PANK2: variants seen among roughly 807,000 people sequenced by gnomAD.
The protein encoded by PANK2 is pantothenate kinase 2.
Under a neutral mutation model 43.1 loss-of-function variants are expected in PANK2, and 36 were observed. The ratio of observed to expected loss-of-function variants is 0.84; its 90% confidence interval spans 0.64 to 1.10. The LOEUF (loss-of-function observed/expected upper bound fraction) is 1.10. Among genes scored for constraint, PANK2 ranks in the 50% least tolerant of loss-of-function variants. The probability of loss-of-function intolerance (pLI) is 0.00; values close to 1 mark genes in which losing one functional copy is unlikely to be tolerated. For synonymous variants in PANK2, 281 were observed against 238.2 expected, an observed-to-expected ratio of 1.18 and a Z score of -1.66; for missense variants, 576 against 593.3, an observed-to-expected ratio of 0.97 and a Z score of 0.30.
rs1487397775 is a variant in PANK2, at chr20:3,912,488, C to T, written c.936C>T (p.Cys312=). ...GAGGAGGAACTTTTTTTGGTCTCTG[C>T]TGTCTTCTTACTGGCTGTACCACTT... The change falls in exon 4 of 7, where the codon TGC becomes TGT. Residue 312 remains cysteine, a synonymous_variant. Coordinates refer to ENST00000610179, the MANE Select transcript of PANK2 (RefSeq NM_001386393.1). The T allele has an allele frequency of 1.2e-6, 2 of 1,614,028 alleles. No individual in the cohort carries two copies. Among genetic ancestry groups the T allele is most frequent in the East Asian group, 4.5e-5 (2 of 44,880 alleles).
At chr20:3,902,728 A>G (rs569089650) in intron 1 of PANK2, among the ~76,000 whole-genome samples, 1 of 151,554 alleles carries the variant, frequency 6.6e-6, no homozygotes, top group South Asian at 2.1e-4. Context: ...GCCAGGTTCC[A>G]TTTTCTCTAT....
chr20:3,899,383 C>T (rs1348603565), intron 1 of PANK2, among the ~76,000 whole-genome samples: 2 of 151,420 alleles, frequency 1.3e-5, no homozygotes, highest in South Asian at 2.1e-4. Context: ...GTTAGTCAGG[C>T]TGGTCTCGAA....
chr20:3,907,975 A>G lies in PANK2; in HGVS notation c.348A>G (p.Val116=). 1.2e-6 allele frequency: 2 copies of G among 1,614,190 alleles called. No homozygotes were observed. The highest frequency in any genetic ancestry group is 1.1e-5 in the South Asian group (1 of 91,084). Residue 116 remains valine (V), a synonymous_variant, in exon 2 of 7, where the codon GTA becomes GTG. Coordinates refer to ENST00000610179, the MANE Select transcript of PANK2 (RefSeq NM_001386393.1). ...TCGGTGGAACTCTGGTCAAGCTGGT[A>G]TATTTTGAACCCAAAGACATCACTG...
At chr20:3,913,963 G>A (rs1367066251) in intron 4 of PANK2, among the ~76,000 whole-genome samples, 3 of 151,352 alleles carry the variant, frequency 2.0e-5, no homozygotes, top group Non-Finnish European at 1.5e-5. Flanking sequence ...TATTTTTTTT[G>A]TATTTTTAGC....
At chr20:3,889,095 G>T, upstream of PANK2, 1 of 1,538,624 alleles carries the variant, frequency 6.5e-7, no homozygotes, top group South Asian at 1.2e-5. Context: ...CGGAAGGAGG[G>T]GGTGGATGAG....
intron 4 of PANK2, among the ~76,000 whole-genome samples, chr20:3,914,815 G>A (rs1186749176): frequency 6.7e-6 from 1 of 148,560 alleles, no homozygotes; most frequent in Non-Finnish European, 1.5e-5. Flanking sequence ...TGGCCATGTT[G>A]GCCAGGCTGG....
chr20:3,888,921 G>A, upstream of PANK2: 1 of 577,706 alleles, frequency 1.7e-6, no homozygotes, highest in Non-Finnish European at 3.0e-6. Flanking sequence ...CGCGGTTCAA[G>A]CCCTTTCGTC....
chr20:3,920,009 C>T (rs2090622430), intron 6 of PANK2, among the ~76,000 whole-genome samples: 1 of 152,186 alleles, frequency 6.6e-6, no homozygotes, highest in Non-Finnish European at 1.5e-5. Flanking sequence ...TCTAACATTA[C>T]TGTATTTGTA....
At chr20:3,918,818 G>GACTT (rs1194755707) in intron 6 of PANK2, 22 bp downstream of exon 6, 11 of 1,613,992 alleles carry the variant, frequency 6.8e-6, no homozygotes, top group Non-Finnish European at 9.3e-6. Context: ...TGTTCGTTGT[G>GACTT]GTATATTATG....
chr20:3,889,270 C>T (rs2090068546), upstream of PANK2: 1 of 1,611,546 alleles, frequency 6.2e-7, no homozygotes, highest in South Asian at 1.1e-5. Flanking sequence ...ACGGTCAATC[C>T]TCCTCGAGTT....
intron 1 of PANK2, among the ~76,000 whole-genome samples, chr20:3,895,484 G>GTTTTT (rs10630574): frequency 3.0e-5 from 4 of 132,950 alleles, no homozygotes; most frequent in Admixed American, 7.9e-5. Flanking sequence ...CCCTGTCTCC[G>GTTTTT]TTTTTTTTTT....
At chr20:3,904,487 A>T (rs148679832) in intron 1 of PANK2, among the ~76,000 whole-genome samples, 1 of 150,734 alleles carries the variant, frequency 6.6e-6, no homozygotes, top group Non-Finnish European at 1.5e-5. Context: ...GGATTGCTTG[A>T]GCCCAGGAGT....
intron 1 of PANK2, among the ~76,000 whole-genome samples, chr20:3,905,906 G>A (rs2090379545): frequency 6.6e-6 from 1 of 151,106 alleles, no homozygotes; most frequent in Non-Finnish European, 1.5e-5. Flanking sequence ...GTAGAGATGG[G>A]GGTTTCACCA....
In PANK2 at chr20:3,928,892, C is replaced by T. The variant is rs1333003811; in HGVS notation, c.*5598C>T. The T allele has an allele frequency of 1.3e-5, 2 of 151,264 alleles. No homozygotes were observed. The highest frequency in any genetic ancestry group is 2.1e-4 in the South Asian group (1 of 4,804). 9.4% of individuals were successfully genotyped at this position (151,264 alleles called of 1,614,324 possible). A position where few individuals can be genotyped will look rare whatever the true frequency, so the allele number is the denominator to read the frequency against. The stretch of plus-strand genomic sequence containing the variant: ...TTGAGACGGAGTCTCGCTCTGTTGC[C>T]CAGGCTGGAGTGCAGTGGGGATCTT... On this transcript the variant is annotated 3_prime_UTR_variant, in exon 7 of 7. Coordinates refer to ENST00000610179, the MANE Select transcript of PANK2 (RefSeq NM_001386393.1).
Position 3,923,783 on chromosome 20 carries a change from T to C in PANK2, c.*489T>C, listed in dbSNP as rs1600586408. On this transcript the variant is annotated 3_prime_UTR_variant, in exon 7 of 7. Transcript: ENST00000610179. ...AACTTACTGTAAAACATGTTTTATT[T>C]CAAGGTTCTGCAAAATTAATTGGGC... The C allele has an allele frequency of 6.3e-6, 1 of 159,884 alleles. No homozygotes were observed. Among genetic ancestry groups the C allele is most frequent in the African/African-American group, 2.4e-5 (1 of 41,592 alleles). 9.9% of individuals were successfully genotyped at this position (159,884 alleles called of 1,614,324 possible).
At chr20:3,891,991 T>C (rs911059462) in intron 1 of PANK2, among the ~76,000 whole-genome samples, 1 of 152,228 alleles carries the variant, frequency 6.6e-6, no homozygotes, top group African/African-American at 2.4e-5. Flanking sequence ...GGATACTGAT[T>C]GTTCTTCCTT....
rs73084575 is a variant in PANK2 at position 3,926,121 on chromosome 20, G to T, written c.*2827G>T. 0.12 allele frequency: 18,271 copies of T among 152,392 alleles called. 1,416 individuals are homozygous for T. Among genetic ancestry groups the T allele is most frequent in the Non-Finnish European group, 0.17 (11,743 of 68,122 alleles). 9.4% of individuals were successfully genotyped at this position (152,392 alleles called of 1,614,324 possible). ...GGGCTGTGTTGGGAAGTGGTGACTG[G>T]ATACAGGGGAGGGAGGAGAGATACA... On this transcript the variant is annotated 3_prime_UTR_variant, in exon 7 of 7. Transcript: ENST00000610179.
rs767432129 is a variant in PANK2 at position 3,908,164 on chromosome 20, T to C, written c.537T>C (p.Thr179=). The C allele has an allele frequency of 6.2e-7, 1 of 1,614,192 alleles. No homozygotes were observed. The highest frequency in any genetic ancestry group is 1.1e-5 in the South Asian group (1 of 91,082). Residue 179 remains threonine (T), a synonymous_variant, in exon 2 of 7, where the codon ACT becomes ACC. Coordinates refer to ENST00000610179, the MANE Select transcript of PANK2 (RefSeq NM_001386393.1). ...ATCTGCACTTTATACGCTTTCCCAC[T>C]CATGACATGCCTGCTTTTATTCAAA...
At chr20:3,916,276 A>G (rs1019521529) in intron 4 of PANK2, among the ~76,000 whole-genome samples, 4 of 152,220 alleles carry the variant, frequency 2.6e-5, no homozygotes, top group Admixed American at 6.5e-5. Flanking sequence ...ATTGGGGCAC[A>G]TGGCTTTTAC....
Sources: gnomAD v4.1 joint callset for allele counts (sites outside exome capture counted in the v4.1 genomes callset) on GRCh38, gnomAD v4.1.1 for gene constraint, MANE v1.5 for transcripts, NCBI Gene and HGNC (gene_info 2026-07-23, HGNC 2026-07-21) for gene names.